Variants in PSD3 observed in about 807,000 individuals in gnomAD.
The protein encoded by PSD3 is PH and SEC7 domain-containing protein 3.
PSD3 carries 49 observed loss-of-function variants against 105.5 expected under a neutral mutation model. That is an observed-to-expected ratio of 0.46 (90% CI 0.37 to 0.59). PSD3 has a LOEUF of 0.59. Ranked by LOEUF, PSD3 falls within the 20% of genes least tolerant of loss-of-function variation. The probability of loss-of-function intolerance (pLI) is 0.00; values close to 1 mark genes in which losing one functional copy is unlikely to be tolerated. For missense variants in PSD3, 1,561 were observed against 1,263.8 expected (o/e 1.24, Z -3.57); for synonymous variants, 557 against 457.8 (o/e 1.22, Z -2.77).
In PSD3 at chr8:18,993,587, G is replaced by C. The variant is rs566919505; in HGVS notation, c.21+19976C>G. Reference sequence around the variant, plus strand: ...CTGTGATTGCTAGTAACAATAAATTGTAATACTATTTCATGAGTATTAGAG... The same window carrying C: ...CTGTGATTGCTAGTAACAATAAATTCTAATACTATTTCATGAGTATTAGAG... On this transcript the variant is annotated intron_variant, in intron 1 of 15. Transcript: ENST00000327040. Among the ~76,000 whole-genome samples the C allele has an allele frequency of 1.3e-5, 2 of 152,124 alleles. 1 individual carries two copies. The highest frequency in any genetic ancestry group is 4.2e-4 in the South Asian group (2 of 4,796).
rs541787177 is a variant in PSD3 at position 18,834,419 on chromosome 8, C to T, written c.1635-29521G>A. 2.2e-4 allele frequency among the ~76,000 whole-genome samples: 33 copies of T among 152,294 alleles called. 3 individuals are homozygous for T. The South Asian group carries it at 6.2e-3, about 29-fold the overall frequency. ...AACAAATCAAAAAATCGGCAAAATACATTGTACTGAGCATTCTAATCACTG... is the reference window on the plus strand; with the variant it reads ...AACAAATCAAAAAATCGGCAAAATATATTGTACTGAGCATTCTAATCACTG... On this transcript the variant is annotated intron_variant, in intron 4 of 15. Transcript: ENST00000327040.
intron 14 of PSD3, among the ~76,000 whole-genome samples, chr8:18,559,706 T>G (rs897388461): frequency 2.8e-4 from 42 of 152,208 alleles, no homozygotes; most frequent in African/African-American, 9.9e-4. Context: ...AGATTTAGGC[T>G]TTCCAATCTT....
intron 12 of PSD3, among the ~76,000 whole-genome samples, chr8:18,578,294 T>G (rs528300242): frequency 1.3e-5 from 2 of 152,110 alleles, no homozygotes; most frequent in South Asian, 4.1e-4. Flanking sequence ...CTTGGGTTGA[T>G]AATTGCTGAC....
intron 12 of PSD3, among the ~76,000 whole-genome samples, chr8:18,581,643 CCTTCACCT>C (rs1563344669): frequency 1.1e-4 from 17 of 152,196 alleles, no homozygotes; most frequent in African/African-American, 4.1e-4. Flanking sequence ...TTTTCTCCAA[CCTTCACCT>C]ATACACTTGG....
chr8:18,820,447 G>C (rs374386200), intron 4 of PSD3, among the ~76,000 whole-genome samples: 2 of 151,950 alleles, frequency 1.3e-5, no homozygotes, highest in African/African-American at 2.4e-5. Context: ...AAAATCCATG[G>C]ATGTTCAAGT....
At position 18,847,049 on chromosome 8, in the gene PSD3, G is replaced by A. The variant is rs1815150277; in HGVS notation, c.1634+20625C>T. On this transcript the variant is annotated intron_variant, in intron 4 of 15. Transcript: ENST00000327040. ...ATACCCATGTCCTGGATAAGCAAGA[G>A]TCAAGAAATTCCCGATTTGGCCTCG... Among the ~76,000 whole-genome samples the A allele has an allele frequency of 5.9e-5, 9 of 152,252 alleles. 2 individuals are homozygous for A. In the South Asian group the frequency reaches 1.9e-3, roughly 32 times the overall value.
intron 1 of PSD3, among the ~76,000 whole-genome samples, chr8:19,011,370 C>T (rs1393478967): frequency 6.6e-6 from 1 of 152,126 alleles, no homozygotes; most frequent in East Asian, 1.9e-4. Flanking sequence ...GTAGTAGTAC[C>T]ATGGACATGT....
chr8:18,786,268 G>A (rs1809145808), intron 8 of PSD3, among the ~76,000 whole-genome samples: 1 of 152,110 alleles, frequency 6.6e-6, no homozygotes, highest in Non-Finnish European at 1.5e-5. Flanking sequence ...TCTTTTGGGA[G>A]ATTCATGAAC....
chr8:18,786,694 A>T (rs181950994), intron 8 of PSD3: 61 of 152,356 alleles, frequency 4.0e-4, no homozygotes, highest in African/African-American at 1.3e-3. Flanking sequence ...AATAGACTGT[A>T]CCTTAATTTT....
chr8:18,581,282 A>G (rs1012464992), intron 12 of PSD3, among the ~76,000 whole-genome samples: 1 of 152,182 alleles, frequency 6.6e-6, no homozygotes, highest in Non-Finnish European at 1.5e-5. Context: ...GTATTATATT[A>G]AAATAATATT....
intron 12 of PSD3, among the ~76,000 whole-genome samples, chr8:18,595,176 C>A (rs912691433): frequency 1.5e-4 from 23 of 149,566 alleles, no homozygotes; most frequent in Non-Finnish European, 3.0e-4. Flanking sequence ...TAAAATAGAT[C>A]ATTATAACTG....
intron 4 of PSD3, among the ~76,000 whole-genome samples, chr8:18,811,214 C>T (rs753347387): frequency 6.6e-6 from 1 of 152,178 alleles, no homozygotes; most frequent in Non-Finnish European, 1.5e-5. Context: ...AATAGTATAA[C>T]CCATTTTACA....
Position 18,901,302 on chromosome 8 carries a change from GTGT to G in PSD3, c.131-28572_131-28570del. Among the ~76,000 whole-genome samples the G allele has an allele frequency of 2.0e-5, 3 of 152,318 alleles. No individual in the cohort carries two copies. In the South Asian group the frequency reaches 6.2e-4, roughly 32 times the overall value. On this transcript the variant is annotated intron_variant, in intron 2 of 15. Transcript: ENST00000327040. ...AGTGGACCTGTGCAGGTCAAAACCT[GTGT>G]TGTTAATAGTCAACAGGTAAAGTGA...
At chr8:18,981,561 T>C (rs1191719274) in intron 1 of PSD3, among the ~76,000 whole-genome samples, 5 of 152,204 alleles carry the variant, frequency 3.3e-5, no homozygotes, top group African/African-American at 1.2e-4. Flanking sequence ...TAAGATTCTG[T>C]ATATACAGGC....
intron 9 of PSD3, among the ~76,000 whole-genome samples, chr8:18,685,575 G>A (rs1217556290): frequency 6.6e-6 from 1 of 152,092 alleles, no homozygotes; most frequent in Non-Finnish European, 1.5e-5. Context: ...GGACTCTCCT[G>A]TCCTTTGAGG....
At chr8:18,763,528 G>C (rs1257013024) in intron 9 of PSD3, among the ~76,000 whole-genome samples, 1 of 151,950 alleles carries the variant, frequency 6.6e-6, no homozygotes, top group East Asian at 1.9e-4. Flanking sequence ...AGGGAATCCA[G>C]CGACAGCTAT....
intron 4 of PSD3, among the ~76,000 whole-genome samples, chr8:18,812,719 T>C (rs972515162): frequency 2.6e-5 from 4 of 152,174 alleles, no homozygotes; most frequent in African/African-American, 4.8e-5. Context: ...CCTTGAGATG[T>C]CCATTGGCTA....
intron 4 of PSD3, among the ~76,000 whole-genome samples, chr8:18,828,757 T>C (rs1019023232): frequency 2.0e-5 from 3 of 151,986 alleles, no homozygotes; most frequent in Non-Finnish European, 2.9e-5. Flanking sequence ...GGCCAGAAGT[T>C]TGAGATCAGC....
chr8:18,929,882 C>T (rs1281890186), intron 2 of PSD3, among the ~76,000 whole-genome samples: 1 of 151,978 alleles, frequency 6.6e-6, no homozygotes, highest in East Asian at 1.9e-4. Context: ...AAAAAGCAGA[C>T]TGCAATGAAA....
Sources: gnomAD v4.1 joint callset for allele counts (sites outside exome capture counted in the v4.1 genomes callset) on GRCh38, gnomAD v4.1.1 for gene constraint, MANE v1.5 for transcripts, NCBI Gene and HGNC (gene_info 2026-07-23, HGNC 2026-07-21) for gene names.